SLC3A1: variants seen among roughly 807,000 people sequenced by gnomAD.
SLC3A1 encodes the protein amino acid transporter heavy chain SLC3A1.
Under a neutral mutation model 60.3 loss-of-function variants are expected in SLC3A1, and 78 were observed. The observed-to-expected ratio is 1.29, with a 90% CI of 1.08 to 1.56. SLC3A1 has a LOEUF of 1.56. Ranked by LOEUF, SLC3A1 falls within the 40% of genes most tolerant of loss-of-function variation. The pLI is 0.00. For synonymous variants in SLC3A1, 392 were observed against 307.9 expected, an observed-to-expected ratio of 1.27 and a Z score of -2.86; for missense variants, 1,172 against 858.9, an observed-to-expected ratio of 1.36 and a Z score of -4.56.
chr2:44,275,553 C>T lies in SLC3A1; in HGVS notation c.18C>T (p.Ser6=). 1.9e-6 allele frequency: 3 copies of T among 1,614,056 alleles called. 1 individual carries two copies. The highest frequency in any genetic ancestry group is 3.3e-5 in the Admixed American group (2 of 59,994). The change falls in exon 1 of 10, where the codon AGC becomes AGT. Residue 6 remains serine, a synonymous_variant. Coordinates refer to ENST00000260649, the MANE Select transcript of SLC3A1 (RefSeq NM_000341.4). MAEDK[S]KRDSIEMSMK... ...GGTGAGACATGGCTGAAGATAAAAGCAAGAGAGACTCCATCGAGATGAGTA... is the reference window on the plus strand; with the variant it reads ...GGTGAGACATGGCTGAAGATAAAAGTAAGAGAGACTCCATCGAGATGAGTA...
intron 5 of SLC3A1, among the ~76,000 whole-genome samples, chr2:44,300,420 T>A (rs1258897412): frequency 6.6e-6 from 1 of 152,164 alleles, no homozygotes; most frequent in Non-Finnish European, 1.5e-5. Context: ...TAGGCTCAAG[T>A]GAGGAGGCCT....
intron 7 of SLC3A1, among the ~76,000 whole-genome samples, chr2:44,307,849 TTTG>T (rs1390507650): frequency 3.9e-5 from 6 of 152,180 alleles, no homozygotes; most frequent in African/African-American, 7.2e-5. Flanking sequence ...GTCCAGTTGT[TTTG>T]TTGTTGTTGT....
intron 7 of SLC3A1, among the ~76,000 whole-genome samples, chr2:44,309,149 A>G (rs545865971): frequency 6.6e-6 from 1 of 152,328 alleles, no homozygotes; most frequent in African/African-American, 2.4e-5. Flanking sequence ...AACCATCACC[A>G]TTATCAGTTT....
intron 6 of SLC3A1, among the ~76,000 whole-genome samples, chr2:44,302,030 G>C (rs1672024618): frequency 6.6e-6 from 1 of 152,152 alleles, no homozygotes; most frequent in South Asian, 2.1e-4. Context: ...GCTCCAGTCT[G>C]GGCAACAGAG....
chr2:44,320,076 C>T, intron 9 of SLC3A1, 123 bp from the exon 10 acceptor site: 1 of 773,906 alleles, frequency 1.3e-6, no homozygotes. Context: ...TACAATTTGG[C>T]AATTATAAGG....
chr2:44,321,548 A>T (rs1672946579), downstream of SLC3A1: 2 of 1,516,456 alleles, frequency 1.3e-6, no homozygotes, highest in Non-Finnish European at 1.8e-6. Context: ...CCGTGAAGTC[A>T]GCAATTTATG....
At chr2:44,317,684 A>T (rs895701641) in intron 9 of SLC3A1, 1 of 152,424 alleles carries the variant, frequency 6.6e-6, no homozygotes, top group African/African-American at 2.4e-5. Flanking sequence ...AAAGAACACT[A>T]GACATAAAAT....
At chr2:44,296,355 G>T (rs1039926929) in intron 4 of SLC3A1, among the ~76,000 whole-genome samples, 1 of 152,150 alleles carries the variant, frequency 6.6e-6, no homozygotes, top group African/African-American at 2.4e-5. Flanking sequence ...TTTTTCTTGT[G>T]GTTGTAGTTC....
chr2:44,303,491 C>T lies in SLC3A1; in HGVS notation c.1137-652C>T, dbSNP rs1672070090. Reference sequence around the variant, plus strand: ...ACCTCAAGTTATCCACCTGCCTCGGCCTCCCAAAGTGTTGGGATTACAGGT... The same window carrying T: ...ACCTCAAGTTATCCACCTGCCTCGGTCTCCCAAAGTGTTGGGATTACAGGT... On this transcript the variant is annotated intron_variant, in intron 6 of 9. Transcript: ENST00000260649. Among the ~76,000 whole-genome samples the T allele has an allele frequency of 2.6e-5, 4 of 151,930 alleles. 1 individual carries two copies. In the South Asian group the frequency reaches 8.3e-4, roughly 32 times the overall value.
At position 44,312,586 on chromosome 2, in the gene SLC3A1, A is replaced by T. The variant is rs778508523; in HGVS notation, c.1333A>T (p.Ile445Phe). 2 of 1,613,864 alleles carry T rather than the reference A, an allele frequency of 1.2e-6. No homozygotes were observed. The highest frequency in any genetic ancestry group is 2.2e-5 in the South Asian group (2 of 91,074). The part of the protein sequence containing the change: ...MPEGKWPNWM[I>F]GGPDSSRLTS... The stretch of plus-strand genomic sequence containing the variant: ...GTTCTTAAAAATATCTGCCTTTCAG[A>T]TTGGTGGACCAGACAGTTCACGGCT... Residue 445 changes from isoleucine to phenylalanine, a missense_variant and splice_region_variant, in exon 8 of 10, where the codon ATT (isoleucine) becomes TTT (phenylalanine). Physicochemically the swap from Ile to Phe is conservative, Grantham distance 21. Coordinates refer to ENST00000260649, the MANE Select transcript of SLC3A1 (RefSeq NM_000341.4).
Position 44,275,545 on chromosome 2 carries a change from G to A in SLC3A1, c.10G>A (p.Asp4Asn). MAE[D>N]KSKRDSIEMS... is the part of the protein sequence containing the mutation. ...CATAAGTCGGTGAGACATGGCTGAA[G>A]ATAAAAGCAAGAGAGACTCCATCGA... is the stretch of plus-strand genomic sequence containing the variant. The change falls in exon 1 of 10, where the codon GAT (aspartate) becomes AAT (asparagine). Residue 4 changes from aspartate to asparagine, a missense_variant. By Grantham distance (23) the Asp-to-Asn change is conservative (BLOSUM62 1). Coordinates refer to ENST00000260649, the MANE Select transcript of SLC3A1 (RefSeq NM_000341.4). 6.2e-7 allele frequency: 1 copy of A among 1,614,026 alleles called. No individual in the cohort carries two copies. Among genetic ancestry groups the A allele is most frequent in the Non-Finnish European group, 8.5e-7 (1 of 1,179,956 alleles).
chr2:44,314,912 T>G lies in SLC3A1; in HGVS notation c.1617+961T>G, dbSNP rs914960737. On this transcript the variant is annotated intron_variant, in intron 9 of 9. Transcript: ENST00000260649. ...CAGCAAAGATGGAGAAAATGCAAATTAAAACAGTGATTTTTTTTTTTTTTT... is the reference window on the plus strand; with the variant it reads ...CAGCAAAGATGGAGAAAATGCAAATGAAAACAGTGATTTTTTTTTTTTTTT... 4 of 143,252 alleles carry G rather than the reference T, an allele frequency of 2.8e-5. No individual in the cohort carries two copies. The Admixed American group carries it at 2.8e-4, about 10-fold the overall frequency. The allele number at this position is 143,252 out of a possible 1,614,324, so 8.9% of individuals were successfully genotyped here.
intron 7 of SLC3A1, among the ~76,000 whole-genome samples, chr2:44,305,384 C>G (rs892443853): frequency 1.3e-5 from 2 of 151,392 alleles, no homozygotes; most frequent in Non-Finnish European, 2.9e-5. Flanking sequence ...AAACAAAATG[C>G]AAGTTTCTTT....
In SLC3A1 at chr2:44,320,201, C is replaced by G. The variant is rs1322631154; in HGVS notation, c.1620C>G (p.Val540=). 5.0e-6 allele frequency: 8 copies of G among 1,611,930 alleles called. No homozygotes were observed. Among genetic ancestry groups the G allele is most frequent in the South Asian group, 3.3e-5 (3 of 90,866 alleles). ...TAAATACTTTTTTAAAAAAATAGGT[C>G]CAAAAGACTCAGCCCAGATCGGCTT... ...NSDYHTVNVD[V]QKTQPRSALK... Residue 540 remains valine (V), a splice_region_variant and synonymous_variant, in exon 10 of 10, where the codon GTC becomes GTG. Transcript: ENST00000260649.
At chr2:44,316,606 T>G (rs948767121) in intron 9 of SLC3A1, among the ~76,000 whole-genome samples, 1 of 152,230 alleles carries the variant, frequency 6.6e-6, no homozygotes. Flanking sequence ...GAAGACTTTG[T>G]CTTCTTTCAG....
At chr2:44,299,281 C>T (rs976550040) in intron 4 of SLC3A1, among the ~76,000 whole-genome samples, 3 of 152,244 alleles carry the variant, frequency 2.0e-5, no homozygotes, top group African/African-American at 2.4e-5. Flanking sequence ...TCAGGTGATC[C>T]GCCTGCCTCG....
At chr2:44,303,946 T>C (rs548531316) in intron 6 of SLC3A1, 197 bp from the exon 7 acceptor site, 17 of 658,996 alleles carry the variant, frequency 2.6e-5, no homozygotes, top group East Asian at 1.9e-4. Context: ...TTCCATGGTG[T>C]GTATGTGCCA....
rs780524738 is a variant in SLC3A1, at chr2:44,281,455, C to A, written c.679C>A (p.Arg227=). Residue 227 remains arginine (R), a synonymous_variant, in exon 3 of 10, where the codon CGG becomes AGG. Transcript: ENST00000260649. The part of the protein sequence containing the change: ...SDKHIWFQLS[R]TRTGKYTDYY... ...TAAACATATTTGGTTTCAATTGAGTCGGACACGGACAGGAAAATATACTGA... is the reference window on the plus strand; with the variant it reads ...TAAACATATTTGGTTTCAATTGAGTAGGACACGGACAGGAAAATATACTGA... The A allele has an allele frequency of 6.2e-7, 1 of 1,613,422 alleles. No individual in the cohort carries two copies.
chr2:44,295,502 T>C (rs1671828729), intron 4 of SLC3A1, among the ~76,000 whole-genome samples: 1 of 152,174 alleles, frequency 6.6e-6, no homozygotes, highest in Non-Finnish European at 1.5e-5. Context: ...ATAAATAGCA[T>C]GAAGCAAATA....
Sources: allele counts gnomAD v4.1 joint callset (sites outside exome capture counted in the v4.1 genomes callset), GRCh38; gene constraint gnomAD v4.1.1; transcripts MANE v1.5; gene names NCBI Gene and HGNC (gene_info 2026-07-23, HGNC 2026-07-21).